SYNDIG1: variants seen among roughly 807,000 people sequenced by gnomAD.
SYNDIG1 encodes synapse differentiation-inducing gene protein 1.
Under a neutral mutation model 19.4 loss-of-function variants are expected in SYNDIG1, and 9 were observed. The ratio of observed to expected loss-of-function variants is 0.46; its 90% confidence interval spans 0.28 to 0.81. The LOEUF is 0.81. Among genes scored for constraint, SYNDIG1 ranks in the 30% least tolerant of loss-of-function variants. SYNDIG1 has a pLI of 0.12. For missense variants in SYNDIG1, 311 were observed against 343.3 expected (o/e 0.91, Z 0.74); for synonymous variants, 141 against 145.9 (o/e 0.97, Z 0.24).
At chr20:24,612,464 G>A (rs1354590155) in intron 3 of SYNDIG1, among the ~76,000 whole-genome samples, 4 of 152,288 alleles carry the variant, frequency 2.6e-5, no homozygotes, top group East Asian at 1.9e-4. Context: ...TATTCATGAC[G>A]TGGCATCCCA....
At chr20:24,561,363 T>A (rs1322423331) in intron 2 of SYNDIG1, among the ~76,000 whole-genome samples, 4 of 152,196 alleles carry the variant, frequency 2.6e-5, no homozygotes, top group Non-Finnish European at 4.4e-5. Context: ...CAATTTGCCA[T>A]TTGACCCAAC....
At chr20:24,516,878 A>G (rs1262693734) in intron 1 of SYNDIG1, among the ~76,000 whole-genome samples, 2 of 152,208 alleles carry the variant, frequency 1.3e-5, no homozygotes, top group Non-Finnish European at 2.9e-5. Context: ...ACTAGTCACA[A>G]TAGCAAAGAT....
At chr20:24,574,395 A>G (rs1394967142) in intron 2 of SYNDIG1, among the ~76,000 whole-genome samples, 1 of 151,924 alleles carries the variant, frequency 6.6e-6, no homozygotes, top group Admixed American at 6.6e-5. Context: ...AGGCTGAAGC[A>G]GGAGAATTGC....
intron 2 of SYNDIG1, among the ~76,000 whole-genome samples, chr20:24,581,052 GGA>G (rs2058314079): frequency 6.6e-6 from 1 of 152,140 alleles, no homozygotes; most frequent in Admixed American, 6.5e-5. Context: ...GTCCTGGCAG[GGA>G]GAGGGGAGGA....
In SYNDIG1 at chr20:24,474,208, T is replaced by A. The variant is rs2055552154; in HGVS notation, c.-79+4455T>A. ...GCATTCTCTAAGATGGAAACATTTT[T>A]AAAACAGATTACCAACAGACCACCA... On this transcript the variant is annotated intron_variant, in intron 1 of 3. Coordinates refer to ENST00000376862, the MANE Select transcript of SYNDIG1 (RefSeq NM_024893.3). 2.6e-5 allele frequency among the ~76,000 whole-genome samples: 4 copies of A among 152,246 alleles called. No homozygotes were observed. The South Asian group carries it at 8.3e-4, about 32-fold the overall frequency.
chr20:24,472,955 A>T (rs1304590704), intron 1 of SYNDIG1, among the ~76,000 whole-genome samples: 2 of 152,154 alleles, frequency 1.3e-5, no homozygotes, highest in Non-Finnish European at 2.9e-5. Context: ...ATGTCCTGTC[A>T]CCCATCCCCA....
chr20:24,470,953 C>T (rs898597506), intron 1 of SYNDIG1, among the ~76,000 whole-genome samples: 1 of 146,750 alleles, frequency 6.8e-6, no homozygotes, highest in African/African-American at 2.5e-5. Flanking sequence ...GAAGGCTTGG[C>T]TGATTGGGGG....
chr20:24,474,151 A>G (rs2055550613), intron 1 of SYNDIG1, among the ~76,000 whole-genome samples: 1 of 152,274 alleles, frequency 6.6e-6, no homozygotes, highest in Admixed American at 6.5e-5. Flanking sequence ...TAACTAAATT[A>G]GATTCATATT....
chr20:24,504,569 C>T (rs2056540418), intron 1 of SYNDIG1, among the ~76,000 whole-genome samples: 1 of 152,130 alleles, frequency 6.6e-6, no homozygotes, highest in South Asian at 2.1e-4. Flanking sequence ...GGGGCTGGGA[C>T]CTGAGGCTGT....
At chr20:24,601,507 G>A (rs2058679365) in intron 3 of SYNDIG1, among the ~76,000 whole-genome samples, 1 of 151,972 alleles carries the variant, frequency 6.6e-6, no homozygotes, top group East Asian at 1.9e-4. Context: ...GCTTTCTGTT[G>A]TTTCTCATAT....
At chr20:24,536,693 A>C (rs57891254) in intron 1 of SYNDIG1, among the ~76,000 whole-genome samples, 6,608 of 152,198 alleles carry the variant, frequency 0.043, 452 homozygotes, top group African/African-American at 0.15. Flanking sequence ...GCGCACTTTC[A>C]TTCATCACTC....
At chr20:24,559,988 C>A (rs1282556846) in intron 2 of SYNDIG1, among the ~76,000 whole-genome samples, 1 of 74,096 alleles carries the variant, frequency 1.3e-5, no homozygotes, top group South Asian at 4.1e-4. Flanking sequence ...TAACTTTTTT[C>A]TTCTTCATAT....
intron 1 of SYNDIG1, among the ~76,000 whole-genome samples, chr20:24,473,889 A>G (rs2055543098): frequency 2.0e-5 from 3 of 152,206 alleles, no homozygotes. Flanking sequence ...GTTGAAAAGA[A>G]ATGGTCTCAG....
intron 2 of SYNDIG1, among the ~76,000 whole-genome samples, chr20:24,580,731 A>T (rs1302847872): frequency 6.6e-6 from 1 of 152,154 alleles, no homozygotes; most frequent in Non-Finnish European, 1.5e-5. Flanking sequence ...AATCTATTTC[A>T]ATCAAAGTTG....
At chr20:24,564,141 A>G (rs1380321699) in intron 2 of SYNDIG1, among the ~76,000 whole-genome samples, 1 of 151,856 alleles carries the variant, frequency 6.6e-6, no homozygotes, top group East Asian at 1.9e-4. Context: ...TTATCATATC[A>G]TAATATTATA....
chr20:24,613,252 G>T (rs2058877292), intron 3 of SYNDIG1, among the ~76,000 whole-genome samples: 1 of 152,216 alleles, frequency 6.6e-6, no homozygotes. Flanking sequence ...GGGCCTCTGA[G>T]ATAAGACAGG....
intron 3 of SYNDIG1, among the ~76,000 whole-genome samples, chr20:24,618,615 C>T (rs1042414033): frequency 9.2e-5 from 14 of 152,320 alleles, no homozygotes; most frequent in African/African-American, 3.4e-4. Context: ...ATATTTTCCT[C>T]TCATCTTTTG....
chr20:24,602,264 G>A (rs965115981), intron 3 of SYNDIG1, among the ~76,000 whole-genome samples: 2 of 152,182 alleles, frequency 1.3e-5, no homozygotes, highest in Non-Finnish European at 2.9e-5. Flanking sequence ...TTCTGACAAA[G>A]TATTCATAGT....
intron 3 of SYNDIG1, among the ~76,000 whole-genome samples, chr20:24,603,091 G>A (rs1231849778): frequency 6.6e-6 from 1 of 152,104 alleles, no homozygotes; most frequent in Non-Finnish European, 1.5e-5. Flanking sequence ...AAGAGCCACT[G>A]GGCATGGAAT....
Sources: allele counts gnomAD v4.1 joint callset (sites outside exome capture counted in the v4.1 genomes callset), GRCh38; gene constraint gnomAD v4.1.1; transcripts MANE v1.5; gene names NCBI Gene and HGNC (gene_info 2026-07-23, HGNC 2026-07-21).